The following ZCCHC14 variants were observed in gnomAD, a reference collection of about 807,000 sequenced individuals.
ZCCHC14 encodes the protein zinc finger CCHC-type containing 14.
Under a neutral mutation model 85.0 loss-of-function variants are expected in ZCCHC14, and 16 were observed. The observed-to-expected ratio is 0.19, with a 90% CI of 0.13 to 0.29. ZCCHC14 has a LOEUF of 0.29. Ranked by LOEUF, ZCCHC14 falls within the 10% of genes least tolerant of loss-of-function variation. ZCCHC14 has a pLI of 1.00. For missense variants in ZCCHC14, 1,303 were observed against 1,443.5 expected (o/e 0.90, Z 1.58); for synonymous variants, 775 against 630.7 (o/e 1.23, Z -3.43).
chr16:87,422,870 G>A (rs1909174275), intron 4 of ZCCHC14, among the ~76,000 whole-genome samples: 1 of 151,882 alleles, frequency 6.6e-6, no homozygotes, highest in South Asian at 2.1e-4. Flanking sequence ...AGGAGATTTA[G>A]TATTTTAAAC....
chr16:87,484,197 A>G (rs577236381), intron 1 of ZCCHC14, among the ~76,000 whole-genome samples: 1 of 152,234 alleles, frequency 6.6e-6, no homozygotes, highest in Non-Finnish European at 1.5e-5. Flanking sequence ...CACGTGAAAT[A>G]AAAGTTATCA....
chr16:87,477,151 A>AAAAAAAAAAAAAAAAAAAAAAAAAAAC (rs1912054945), intron 1 of ZCCHC14, among the ~76,000 whole-genome samples: 1 of 142,184 alleles, frequency 7.0e-6, no homozygotes, highest in African/African-American at 2.9e-5. Context: ...ACAAAACAAA[A>AAAAAAAAAAAAAAAAAAAAAAAAAAAC]CCAAAAAAAA....
intron 2 of ZCCHC14, among the ~76,000 whole-genome samples, chr16:87,446,260 G>A (rs918531645): frequency 2.0e-5 from 3 of 152,120 alleles, no homozygotes; most frequent in Admixed American, 6.5e-5. Flanking sequence ...AAGGTGGGTG[G>A]ATCACTTGAG....
chr16:87,446,000 C>T (rs565719050), intron 2 of ZCCHC14, among the ~76,000 whole-genome samples: 18 of 152,080 alleles, frequency 1.2e-4, no homozygotes, highest in Admixed American at 9.8e-4. Flanking sequence ...CAGTATTTTT[C>T]TTAAACTTTA....
Position 87,408,463 on chromosome 16 carries a change from A to G in ZCCHC14, c.*1817T>C, listed in dbSNP as rs962076035. On this transcript the variant is annotated 3_prime_UTR_variant, in exon 13 of 13. Transcript: ENST00000671377. ...GTCCAGTCTAGTACTCTTTAAGGCA[A>G]AGTTGTGTCAGTTCTCATTATTTTG... The G allele has an allele frequency of 2.6e-5, 4 of 152,592 alleles. No individual in the cohort carries two copies. Among genetic ancestry groups the G allele is most frequent in the African/African-American group, 9.7e-5 (4 of 41,444 alleles). The allele number at this position is 152,592 out of a possible 1,614,324, so 9.5% of individuals were successfully genotyped here. A position where few individuals can be genotyped will look rare whatever the true frequency, so the allele number is the denominator to read the frequency against.
intron 2 of ZCCHC14, among the ~76,000 whole-genome samples, chr16:87,442,152 G>T (rs1910215345): frequency 1.3e-5 from 2 of 152,196 alleles, no homozygotes; most frequent in South Asian, 4.1e-4. Flanking sequence ...GGCTGCACAT[G>T]GAAGAATCTG....
At position 87,412,241 on chromosome 16, in the gene ZCCHC14, C is replaced by T; in HGVS notation, c.2480G>A (p.Ser827Asn). Residue 827 changes from serine to asparagine, a missense_variant, in exon 12 of 13, where the codon AGT becomes AAT. Ser to Asn is a conservative substitution (Grantham distance 46, BLOSUM62 1). This residue lies in a region of ZCCHC14 where 797 missense variants were observed against 730.8 expected (regional missense o/e 1.09). Transcript: ENST00000671377. The stretch of plus-strand genomic sequence containing the variant: ...ACCCTGCAGGGGGCCCACTGGCATA[C>T]TGCTCATTGCAGAAAAGGCAACTTT... Reference protein sequence around the residue: ...NTKVAFSAMSSMPVGPLQGGF... With the variant: ...NTKVAFSAMSNMPVGPLQGGF... The T allele has an allele frequency of 6.2e-7, 1 of 1,612,568 alleles. No individual in the cohort carries two copies. The highest frequency in any genetic ancestry group is 8.5e-7 in the Non-Finnish European group (1 of 1,178,816).
At chr16:87,451,159 C>A (rs1404958263) in intron 2 of ZCCHC14, among the ~76,000 whole-genome samples, 4 of 150,852 alleles carry the variant, frequency 2.7e-5, no homozygotes. Flanking sequence ...CTCGGCCTCC[C>A]AAAGTGCTGG....
Position 87,483,304 on chromosome 16 carries a change from C to CA in ZCCHC14, c.570+8364dup, listed in dbSNP as rs56708958. Among the ~76,000 whole-genome samples the CA allele has an allele frequency of 9.4e-4, 41 of 43,658 alleles. 3 individuals are homozygous for CA. The highest frequency in any genetic ancestry group is 3.4e-3 in the African/African-American group (40 of 11,686). 28.6% of individuals were successfully genotyped at this position (43,658 alleles called of 152,430 possible). A position where few individuals can be genotyped will look rare whatever the true frequency, so the allele number is the denominator to read the frequency against. On this transcript the variant is annotated intron_variant, in intron 1 of 12. Coordinates refer to ENST00000671377, the MANE Select transcript of ZCCHC14 (RefSeq NM_015144.3). Reference sequence around the variant, plus strand: ...GAAACCCCATCTCTACTAAAAATACCAAAAAAAAAAAAAAAAAAAAAAAAA... The same window carrying CA: ...GAAACCCCATCTCTACTAAAAATACCAAAAAAAAAAAAAAAAAAAAAAAAAA...
intron 1 of ZCCHC14, chr16:87,470,715 C>G (rs944932069): frequency 3.3e-5 from 5 of 152,174 alleles, no homozygotes; most frequent in Admixed American, 2.0e-4. Flanking sequence ...ATGTGTATGT[C>G]CAGATGACTG....
chr16:87,477,300 A>C (rs1007697478), intron 1 of ZCCHC14, among the ~76,000 whole-genome samples: 15 of 152,178 alleles, frequency 9.9e-5, no homozygotes, highest in African/African-American at 3.6e-4. Flanking sequence ...TCAGTTACAC[A>C]CTCTGTGCTG....
chr16:87,443,288 AT>A (rs1910274936), intron 2 of ZCCHC14, among the ~76,000 whole-genome samples: 1 of 152,218 alleles, frequency 6.6e-6, no homozygotes, highest in African/African-American at 2.4e-5. Flanking sequence ...GGGGTCACTG[AT>A]GGCTCTACAA....
At chr16:87,478,896 C>T (rs1466932605) in intron 1 of ZCCHC14, among the ~76,000 whole-genome samples, 2 of 152,104 alleles carry the variant, frequency 1.3e-5, no homozygotes, top group Non-Finnish European at 2.9e-5. Flanking sequence ...TGAGCCACCG[C>T]ACCCGGCCAA....
At chr16:87,468,508 G>A (rs1362995610) in intron 1 of ZCCHC14, among the ~76,000 whole-genome samples, 1 of 151,428 alleles carries the variant, frequency 6.6e-6, no homozygotes, top group Non-Finnish European at 1.5e-5. Flanking sequence ...CAGAGAAGCT[G>A]GGACTACAGG....
At chr16:87,488,732 C>A (rs1365673682) in intron 1 of ZCCHC14, among the ~76,000 whole-genome samples, 1 of 152,140 alleles carries the variant, frequency 6.6e-6, no homozygotes, top group African/African-American at 2.4e-5. Context: ...TGTGTGCCAC[C>A]ACTCCTGGCT....
At chr16:87,433,053 A>G in intron 3 of ZCCHC14, 75 bp downstream of exon 3, 1 of 1,487,948 alleles carries the variant, frequency 6.7e-7, no homozygotes. Flanking sequence ...TTAGCTAGGA[A>G]GGAAAAGCAT....
intron 1 of ZCCHC14, among the ~76,000 whole-genome samples, chr16:87,485,330 C>G (rs1313586559): frequency 1.3e-5 from 2 of 152,172 alleles, no homozygotes; most frequent in African/African-American, 4.8e-5. Flanking sequence ...TAAGAATTAA[C>G]CTATTTTGTT....
chr16:87,444,038 G>GAAAAAAAA (rs56352252), intron 2 of ZCCHC14, among the ~76,000 whole-genome samples: 164 of 76,500 alleles, frequency 2.1e-3, no homozygotes, highest in Middle Eastern at 6.3e-3. Flanking sequence ...CTCTATCACA[G>GAAAAAAAA]AAAAAAAAAA....
At chr16:87,418,663 A>T (rs901104818) in intron 7 of ZCCHC14, among the ~76,000 whole-genome samples, 184 bp downstream of exon 7, 1 of 152,226 alleles carries the variant, frequency 6.6e-6, no homozygotes, top group Middle Eastern at 3.2e-3. Flanking sequence ...TTCTGATTCC[A>T]GTGGCTTAGA....
Sources: gnomAD v4.1 joint callset for allele counts (sites outside exome capture counted in the v4.1 genomes callset) on GRCh38, gnomAD v4.1.1 for gene constraint, gnomAD v4.1.1 regional missense constraint, MANE v1.5 for transcripts, NCBI Gene and HGNC (gene_info 2026-07-23, HGNC 2026-07-21) for gene names.